Variants in ABI2 observed in about 807,000 individuals in gnomAD.
The protein encoded by ABI2 is abelson interactor 2.
A neutral mutation model predicts 59.2 loss-of-function variants in ABI2; 25 were observed. The ratio of observed to expected loss-of-function variants is 0.42; its 90% confidence interval spans 0.31 to 0.59. The LOEUF (loss-of-function observed/expected upper bound fraction) is 0.59, where lower values mean the gene tolerates loss of function less well. ABI2 is among the 20% of genes least tolerant of loss of function. ABI2 has a pLI of 0.14. For synonymous variants in ABI2, 213 were observed against 235.5 expected, an observed-to-expected ratio of 0.90 and a Z score of 0.87; for missense variants, 545 against 681.8, an observed-to-expected ratio of 0.80 and a Z score of 2.23.
At chr2:203,340,696 C>G (rs886141670) in intron 1 of ABI2, among the ~76,000 whole-genome samples, 1 of 152,074 alleles carries the variant, frequency 6.6e-6, no homozygotes, top group African/African-American at 2.4e-5. Context: ...TCCCCGCTCC[C>G]ACCAAAGATA....
chr2:203,384,303 T>TTGTTTTG (rs1559289443), intron 4 of ABI2, among the ~76,000 whole-genome samples: 1 of 144,454 alleles, frequency 6.9e-6, no homozygotes, highest in African/African-American at 2.6e-5. Flanking sequence ...TTTTTTTTTT[T>TTGTTTTG]TTTTTTTTTT....
rs566887111 is a variant in ABI2, at chr2:203,404,552, G to T, written c.1192+1818G>T. ...TTACAGGTACCTGCCACCACGCCTGGCTAATTTTTGTTTTGTTTTGTTTTG... is the reference window on the plus strand; with the variant it reads ...TTACAGGTACCTGCCACCACGCCTGTCTAATTTTTGTTTTGTTTTGTTTTG... On this transcript the variant is annotated intron_variant, in intron 9 of 11. Coordinates refer to ENST00000261018, the MANE Select transcript of ABI2 (RefSeq NM_001375670.1). Among the ~76,000 whole-genome samples the T allele has an allele frequency of 1.1e-4, 16 of 152,026 alleles. 1 individual carries two copies. Among genetic ancestry groups the T allele is most frequent in the Non-Finnish European group, 2.2e-4 (15 of 67,998 alleles).
intron 1 of ABI2, among the ~76,000 whole-genome samples, chr2:203,361,543 TGAA>T (rs2093507653): frequency 6.6e-6 from 1 of 152,142 alleles, no homozygotes; most frequent in African/African-American, 2.4e-5. Flanking sequence ...TTTGCTGCAC[TGAA>T]TTTTCTCTTT....
At chr2:203,381,194 AAG>A (rs1375186919) in intron 3 of ABI2, among the ~76,000 whole-genome samples, 1 of 152,180 alleles carries the variant, frequency 6.6e-6, no homozygotes, top group Non-Finnish European at 1.5e-5. Flanking sequence ...TCTAGGTAAA[AAG>A]AAAATATACA....
intron 1 of ABI2, chr2:203,329,365 T>TA (rs1553523401): frequency 6.7e-6 from 1 of 149,420 alleles, no homozygotes; most frequent in Non-Finnish European, 1.5e-5. Context: ...TTTTTTTTTT[T>TA]ACCGTGATGG....
chr2:203,341,866 T>G (rs2080124149), intron 1 of ABI2, among the ~76,000 whole-genome samples: 1 of 152,198 alleles, frequency 6.6e-6, no homozygotes. Flanking sequence ...TGGTTGGTGC[T>G]TTAGGGTTAA....
intron 2 of ABI2, among the ~76,000 whole-genome samples, chr2:203,374,371 G>A (rs1363821599): frequency 6.6e-6 from 1 of 151,480 alleles, no homozygotes; most frequent in Non-Finnish European, 1.5e-5. Flanking sequence ...GTGGTAGTGG[G>A]CACCTGTAAT....
chr2:203,359,122 AGT>A, intron 1 of ABI2, among the ~76,000 whole-genome samples: 1 of 152,212 alleles, frequency 6.6e-6, no homozygotes, highest in East Asian at 1.9e-4. Flanking sequence ...GAATTTCCTT[AGT>A]GTAGGTCAGA....
intron 10 of ABI2, among the ~76,000 whole-genome samples, chr2:203,414,712 G>GT (rs1392440791): frequency 6.6e-6 from 1 of 152,190 alleles, no homozygotes; most frequent in Non-Finnish European, 1.5e-5. Context: ...ATGACTTGAA[G>GT]TTTTTAAAAT....
rs200198424 is a variant in ABI2 at position 203,350,862 on chromosome 2, T to TTGTGTG, written c.118-15990_118-15985dup. Among the ~76,000 whole-genome samples the TTGTGTG allele has an allele frequency of 3.5e-3, 487 of 137,902 alleles. 3 individuals carry two copies. The highest frequency in any genetic ancestry group is 0.012 in the African/African-American group (442 of 38,092). The allele number at this position is 137,902 out of a possible 152,430, so 90.5% of individuals were successfully genotyped here. On this transcript the variant is annotated intron_variant, in intron 1 of 11. Transcript: ENST00000261018. ...CTTTTCTTTGTTTTTGTTGTGTGTT[T>TTGTGTG]TGTGTGTGTGTGTGTGTGTGTGTGT...
chr2:203,365,661 A>T (rs1345223426), intron 1 of ABI2, among the ~76,000 whole-genome samples: 17 of 109,124 alleles, frequency 1.6e-4, no homozygotes, highest in Admixed American at 8.7e-4. Flanking sequence ...ACGGAGTCTC[A>T]CTCTGTTGCC....
At chr2:203,398,860 G>T (rs888545010) in intron 8 of ABI2, among the ~76,000 whole-genome samples, 53 of 152,110 alleles carry the variant, frequency 3.5e-4, no homozygotes, top group Non-Finnish European at 1.5e-4. Context: ...AATTACCCAT[G>T]TTGTTGCATG....
At chr2:203,408,403 T>G (rs2097523028) in intron 9 of ABI2, among the ~76,000 whole-genome samples, 1 of 151,600 alleles carries the variant, frequency 6.6e-6, no homozygotes, top group African/African-American at 2.4e-5. Context: ...CCTCAGGTGA[T>G]GCGCCCCCCT....
intron 1 of ABI2, among the ~76,000 whole-genome samples, chr2:203,366,256 G>A (rs2094431932): frequency 6.6e-6 from 1 of 152,144 alleles, no homozygotes; most frequent in Non-Finnish European, 1.5e-5. Flanking sequence ...CTAGGAGTTC[G>A]AGACCAGCTT....
At chr2:203,353,510 C>T (rs1339177238) in intron 1 of ABI2, among the ~76,000 whole-genome samples, 8 of 152,134 alleles carry the variant, frequency 5.3e-5, no homozygotes, top group Non-Finnish European at 1.0e-4. Flanking sequence ...GACAGAATCT[C>T]GCTCTGTCGC....
chr2:203,376,391 G>T (rs949481077), intron 2 of ABI2, among the ~76,000 whole-genome samples: 2 of 152,174 alleles, frequency 1.3e-5, no homozygotes, highest in African/African-American at 4.8e-5. Context: ...CCTGCCCCTA[G>T]TGTTTCTAAG....
At chr2:203,387,030 CT>C (rs985528328) in intron 4 of ABI2, among the ~76,000 whole-genome samples, 1 of 144,434 alleles carries the variant, frequency 6.9e-6, no homozygotes, top group Non-Finnish European at 1.5e-5. Flanking sequence ...GTTTTGTCTC[CT>C]TTTTTTTCCC....
intron 7 of ABI2, among the ~76,000 whole-genome samples, chr2:203,396,416 TTG>T (rs557053105): frequency 1.4e-3 from 211 of 152,330 alleles, no homozygotes; most frequent in African/African-American, 4.9e-3. Context: ...ATTTTCTGAT[TTG>T]TGTAATTCAA....
In ABI2 at chr2:203,395,448, T is replaced by TATATAC. The variant is rs750379504; in HGVS notation, c.726-207_726-206insTATACA. On this transcript the variant is annotated intron_variant, in intron 6 of 11. Coordinates refer to ENST00000261018, the MANE Select transcript of ABI2 (RefSeq NM_001375670.1). ...TAATAAGTAAATATATATATATATA[T>TATATAC]ACACACACACACACACACACACACA... 4.9e-3 allele frequency among the ~76,000 whole-genome samples: 562 copies of TATATAC among 115,294 alleles called. 5 individuals are homozygous for TATATAC. The highest frequency in any genetic ancestry group is 5.9e-3 in the Non-Finnish European group (335 of 56,556). 75.6% of individuals were successfully genotyped at this position (115,294 alleles called of 152,430 possible).
Sources: allele counts gnomAD v4.1 joint callset (sites outside exome capture counted in the v4.1 genomes callset), GRCh38; gene constraint gnomAD v4.1.1; transcripts MANE v1.5; gene names NCBI Gene and HGNC (gene_info 2026-07-23, HGNC 2026-07-21).